Variants in OSM observed in about 807,000 individuals in gnomAD.
OSM encodes oncostatin M, also known as oncostatin-M.
A neutral mutation model predicts 6.3 loss-of-function variants in OSM; 1 was observed. The ratio of observed to expected loss-of-function variants is 0.16; its 90% CI spans 0.06 to 0.76. The LOEUF is 0.76. Among genes scored for constraint, OSM ranks in the 30% least tolerant of loss-of-function variants. The pLI is 0.77. For synonymous variants in OSM, 135 were observed against 143.4 expected (o/e 0.94, Z 0.42); for missense variants, 324 against 336.9 (o/e 0.96, Z 0.30).
At chr22:30,265,358 C>T in intron 1 of OSM, 1 of 985,494 alleles carries the variant, frequency 1.0e-6, no homozygotes, top group Non-Finnish European at 1.2e-6. Flanking sequence ...TGCCCAGGGC[C>T]TGACACAGCA....
rs770741657 is a variant in OSM, at chr22:30,266,715, C to T, written c.34+51G>A. On this transcript the variant is annotated intron_variant, in intron 1 of 2. Coordinates refer to ENST00000215781, the MANE Select transcript of OSM (RefSeq NM_020530.6). This position sits in a 1 kb window ranked among gnomAD's most constrained non-coding sequence, Gnocchi z 5.0. ...GGTGCCTCTGCTCCCCACCGGCACCCGTGGGCAGACCCAGCAGGCGGGTTC... is the reference window on the plus strand; with the variant it reads ...GGTGCCTCTGCTCCCCACCGGCACCTGTGGGCAGACCCAGCAGGCGGGTTC... 13 of 1,605,982 alleles carry T rather than the reference C, an allele frequency of 8.1e-6. No homozygotes were observed. Among genetic ancestry groups the T allele is most frequent in the South Asian group, 1.1e-5 (1 of 90,798 alleles).
chr22:30,266,851 T>C lies in OSM; in HGVS notation c.-52A>G. On this transcript the variant is annotated 5_prime_UTR_variant, in exon 1 of 3. Transcript: ENST00000215781. This position sits in a 1 kb window ranked among gnomAD's most constrained non-coding sequence, Gnocchi z 5.0. ...CCCGCTGGGGGTGACACCTCTCGGC[T>C]GGGAGCCCTGCAGGCTGGCAGCCAC... The C allele has an allele frequency of 7.2e-7, 1 of 1,391,694 alleles. No individual in the cohort carries two copies. Among genetic ancestry groups the C allele is most frequent in the East Asian group, 3.9e-5 (1 of 25,626 alleles). The allele number at this position is 1,391,694 out of a possible 1,614,324, so 86.2% of individuals were successfully genotyped here. A position where few individuals can be genotyped will look rare whatever the true frequency, so the allele number is the denominator to read the frequency against.
chr22:30,264,910 A>C (rs1929350656), intron 2 of OSM, 92 bp downstream of exon 2: 1 of 1,449,484 alleles, frequency 6.9e-7, no homozygotes, highest in Admixed American at 2.0e-5. Flanking sequence ...GGCCATATGG[A>C]GTGGGGCTAG....
rs555452005 is a variant in OSM, at chr22:30,265,270, C to T, written c.35-126G>A. The T allele has an allele frequency of 3.2e-4, 487 of 1,499,552 alleles. 2 individuals are homozygous for T. In the Middle Eastern group the frequency reaches 5.2e-3, roughly 16 times the overall value. 92.9% of individuals were successfully genotyped at this position (1,499,552 alleles called of 1,614,324 possible). On this transcript the variant is annotated intron_variant, in intron 1 of 2. Transcript: ENST00000215781. ...ATCCCAGACTTTGTGTAGTGGAGGG[C>T]GGGGGCTGGGCACTGTGTGGCACGG...
At position 30,264,394 on chromosome 22, in the gene OSM, C is replaced by A. The variant is rs200309860; in HGVS notation, c.248G>T (p.Ser83Ile). Residue 83 changes from serine to isoleucine, a missense_variant, in exon 3 of 3, where the codon AGT becomes ATT. Coordinates refer to ENST00000215781, the MANE Select transcript of OSM (RefSeq NM_020530.6). ...HCRERPGAFP[S>I]EETLRGLGRR... The stretch of plus-strand genomic sequence containing the variant: ...GCCCAGCCCCCTCAGGGTCTCCTCA[C>A]TGGGGAAGGCCCCGGGGCGCTCCCT... 11 of 1,613,976 alleles carry A rather than the reference C, an allele frequency of 6.8e-6. No individual in the cohort carries two copies. The South Asian group carries it at 1.1e-4, about 16-fold the overall frequency.
Position 30,264,044 on chromosome 22 carries a change from G to C in OSM, c.598C>G (p.Arg200Gly). The C allele has an allele frequency of 6.3e-7, 1 of 1,582,186 alleles. No homozygotes were observed. Among genetic ancestry groups the C allele is most frequent in the Non-Finnish European group, 8.6e-7 (1 of 1,161,438 alleles). ...ACCCGCCCCACTGAGTGCATGAAGC[G>C]ATGGTAGCCATGCAGGAACCTGCAG... ...EGCRFLHGYHRFMHSVGRVFS... is the reference protein window; with the variant it reads ...EGCRFLHGYHGFMHSVGRVFS... The change falls in exon 3 of 3, where the codon CGC becomes GGC. Residue 200 changes from arginine to glycine, a missense_variant. Physicochemically the swap from Arg to Gly is moderately radical, Grantham distance 125. Transcript: ENST00000215781.
Position 30,263,740 on chromosome 22 carries a change from C to T in OSM, c.*143G>A. On this transcript the variant is annotated 3_prime_UTR_variant, in exon 3 of 3. Transcript: ENST00000215781. ...GGAGGAGGTAGAGGGGTCTGCCCAG[C>T]TCCCACCTCTTAAAGTGCACTTCTC... 1 of 612,348 alleles carries T rather than the reference C, an allele frequency of 1.6e-6. No homozygotes were observed. Among genetic ancestry groups the T allele is most frequent in the Non-Finnish European group, 2.7e-6 (1 of 371,488 alleles). The allele number at this position is 612,348 out of a possible 1,614,324, so 37.9% of individuals were successfully genotyped here.
chr22:30,264,106 G>T lies in OSM; in HGVS notation c.536C>A (p.Thr179Asn), dbSNP rs749126315. 1 of 1,610,692 alleles carries T rather than the reference G, an allele frequency of 6.2e-7. No individual in the cohort carries two copies. Among genetic ancestry groups the T allele is most frequent in the Non-Finnish European group, 8.5e-7 (1 of 1,177,766 alleles). Reference protein sequence around the residue: ...GRGASQPPTPTPASDAFQRKL... With the variant: ...GRGASQPPTPNPASDAFQRKL... ...GCGCTGAAAAGCATCCGAGGCAGGG[G>T]TGGGGGTGGGCGGCTGAGAGGCCCC... The change falls in exon 3 of 3, where the codon ACC (threonine) becomes AAC (asparagine). Residue 179 changes from threonine to asparagine, a missense_variant. Transcript: ENST00000215781.
rs1429534453 is a variant in OSM at position 30,266,494 on chromosome 22, C to T, written c.34+272G>A. Among the ~76,000 whole-genome samples, 1 of 152,178 alleles carries T rather than the reference C, an allele frequency of 6.6e-6. No individual in the cohort carries two copies. The highest frequency in any genetic ancestry group is 1.5e-5 in the Non-Finnish European group (1 of 68,014). ...AGCCTCTTTGCCCATCCTATTCTCTCACCCCCTGGTTCCCAGAGTTGCCTC... is the reference window on the plus strand; with the variant it reads ...AGCCTCTTTGCCCATCCTATTCTCTTACCCCCTGGTTCCCAGAGTTGCCTC... On this transcript the variant is annotated intron_variant, in intron 1 of 2. Coordinates refer to ENST00000215781, the MANE Select transcript of OSM (RefSeq NM_020530.6). The surrounding 1 kb of genome is among the most constrained non-coding windows in gnomAD (Gnocchi z 5.0).
Position 30,264,266 on chromosome 22 carries a change from A to T in OSM, c.376T>A (p.Ser126Thr). Residue 126 changes from serine (S) to threonine (T), a missense_variant, in exon 3 of 3, where the codon TCT becomes ACT. Transcript: ENST00000215781. ...TCCAAGTCCTCGATGTTCAGCCCAG[A>T]CCTCTCCAAATCCTGGGCCTTGGGG... The part of the protein sequence containing the change: ...RLPKAQDLER[S>T]GLNIEDLEKL... 1 of 1,613,996 alleles carries T rather than the reference A, an allele frequency of 6.2e-7. No individual in the cohort carries two copies.
Position 30,263,284 on chromosome 22 carries a change from G to A in OSM, c.*599C>T, listed in dbSNP as rs185994536. ...CAGGTCCACAGAGGTAAAGTGACCT[G>A]CCCCAGGCCACGTGGCGACTTCGGG... On this transcript the variant is annotated 3_prime_UTR_variant, in exon 3 of 3. Transcript: ENST00000215781. 2 of 152,994 alleles carry A rather than the reference G, an allele frequency of 1.3e-5. No homozygotes were observed. The highest frequency in any genetic ancestry group is 4.8e-5 in the African/African-American group (2 of 41,592). The allele number at this position is 152,994 out of a possible 1,614,324, so 9.5% of individuals were successfully genotyped here.
rs1929334153 is a variant in OSM at position 30,264,377 on chromosome 22, C to G, written c.265G>C (p.Gly89Arg). 4 of 1,613,932 alleles carry G rather than the reference C, an allele frequency of 2.5e-6. No homozygotes were observed. In the Admixed American group the frequency reaches 6.7e-5, roughly 27 times the overall value. ...GAFPSEETLR[G>R]LGRRGFLQTL... ...TGCAGGAAGCCCCGCCTGCCCAGCC[C>G]CCTCAGGGTCTCCTCACTGGGGAAG... The change falls in exon 3 of 3, where the codon GGG (glycine) becomes CGG (arginine). Residue 89 changes from glycine to arginine, a missense_variant. Coordinates refer to ENST00000215781, the MANE Select transcript of OSM (RefSeq NM_020530.6).
Position 30,263,767 on chromosome 22 carries a change from G to T in OSM, c.*116C>A. ...CCCACCTCTTAAAGTGCACTTCTCA[G>T]TGGCTAGTAGCAGAGGGGAACAGGT... On this transcript the variant is annotated 3_prime_UTR_variant, in exon 3 of 3. Coordinates refer to ENST00000215781, the MANE Select transcript of OSM (RefSeq NM_020530.6). The T allele has an allele frequency of 2.6e-6, 2 of 766,944 alleles. No individual in the cohort carries two copies. The highest frequency in any genetic ancestry group is 2.6e-5 in the East Asian group (1 of 37,916). The allele number at this position is 766,944 out of a possible 1,614,324, so 47.5% of individuals were successfully genotyped here.
In OSM at chr22:30,265,133, C is replaced by A; in HGVS notation, c.46G>T (p.Ala16Ser). ...CTCGCCATGCTTGGAAACAGGAGTG[C>A]AAGGACCAGACCTAAGGCAGAGAAG... ...TQRTLLSLVL[A>S]LLFPSMASMA... The change falls in exon 2 of 3, where the codon GCA (alanine) becomes TCA (serine). Residue 16 changes from alanine (A) to serine (S), a missense_variant. Ala to Ser is a moderately conservative substitution (Grantham distance 99, BLOSUM62 1). Coordinates refer to ENST00000215781, the MANE Select transcript of OSM (RefSeq NM_020530.6). 1 of 1,613,844 alleles carries A rather than the reference C, an allele frequency of 6.2e-7. No individual in the cohort carries two copies. Among genetic ancestry groups the A allele is most frequent in the South Asian group, 1.1e-5 (1 of 91,074 alleles).
rs1453223331 is a variant in OSM, at chr22:30,264,477, G to A, written c.178-13C>T. On this transcript the variant is annotated splice_polypyrimidine_tract_variant and intron_variant, in intron 2 of 2. Transcript: ENST00000215781. ...CTTGGATACGTATCTGGCGGGAACA[G>A]GAGGATCACAGGGTGAATGCTGAGG... 2.5e-6 allele frequency: 4 copies of A among 1,588,430 alleles called. No individual in the cohort carries two copies. Among genetic ancestry groups the A allele is most frequent in the African/African-American group, 1.3e-5 (1 of 74,506 alleles).
chr22:30,264,548 T>C (rs1929341667), intron 2 of OSM, 84 bp from the exon 3 acceptor site: 18 of 1,127,148 alleles, frequency 1.6e-5, no homozygotes, highest in Non-Finnish European at 2.3e-5. Flanking sequence ...ATGCTAGACC[T>C]CATGCACCCC....
Position 30,264,296 on chromosome 22 carries a change from G to A in OSM, c.346C>T (p.Arg116Cys), listed in dbSNP as rs749325608. 2.4e-5 allele frequency: 38 copies of A among 1,613,948 alleles called. No homozygotes were observed. Among genetic ancestry groups the A allele is most frequent in the Non-Finnish European group, 2.9e-5 (34 of 1,180,040 alleles). Residue 116 changes from arginine (R) to cysteine (C), a missense_variant, in exon 3 of 3, where the codon CGC becomes TGC. Coordinates refer to ENST00000215781, the MANE Select transcript of OSM (RefSeq NM_020530.6). ...VLHRLADLEQ[R>C]LPKAQDLERS... ...TCCAAATCCTGGGCCTTGGGGAGGC[G>A]CTGCTCTAAGTCGGCCAGTCTGTGC... is the stretch of plus-strand genomic sequence containing the variant.
intron 1 of OSM, chr22:30,265,463 G>C: frequency 3.6e-6 from 4 of 1,100,436 alleles, no homozygotes; most frequent in Non-Finnish European, 4.5e-6. Context: ...CCTGCCTACA[G>C]CACGGTTCTA....
intron 2 of OSM, 109 bp from the exon 3 acceptor site, chr22:30,264,573 CT>C: frequency 1.1e-6 from 1 of 927,744 alleles, no homozygotes; most frequent in East Asian, 2.7e-5. Context: ...CAATCTCCCA[CT>C]GGACAGATCC....
Sources: gnomAD v4.1 joint callset for allele counts (sites outside exome capture counted in the v4.1 genomes callset) on GRCh38, gnomAD v4.1.1 for gene constraint, Gnocchi (gnomAD v3.1) non-coding constraint, MANE v1.5 for transcripts, NCBI Gene and HGNC (gene_info 2026-07-23, HGNC 2026-07-21) for gene names.